CNTNAP2: variants seen among roughly 807,000 people sequenced by gnomAD.
CNTNAP2 encodes contactin-associated protein-like 2.
CNTNAP2 carries 98 observed loss-of-function variants against 155.2 expected under a neutral mutation model. The ratio of observed to expected loss-of-function variants is 0.63; its 90% confidence interval spans 0.54 to 0.75. CNTNAP2 has a LOEUF of 0.75. Ranked by LOEUF, CNTNAP2 falls within the 30% of genes least tolerant of loss-of-function variation. The probability of loss-of-function intolerance (pLI) is 0.00; values close to 1 mark genes in which losing one functional copy is unlikely to be tolerated. For missense variants in CNTNAP2, 1,727 were observed against 1,688.1 expected (o/e 1.02, Z -0.40); for synonymous variants, 651 against 631.2 (o/e 1.03, Z -0.47).
intron 1 of CNTNAP2, among the ~76,000 whole-genome samples, chr7:146,234,028 G>A (rs1373136816): frequency 1.3e-5 from 2 of 149,958 alleles, no homozygotes; most frequent in Non-Finnish European, 3.0e-5. Flanking sequence ...CTAGATCCCT[G>A]AGGAATCGCC....
At chr7:147,593,219 T>G (rs1438055201) in intron 12 of CNTNAP2, among the ~76,000 whole-genome samples, 4 of 150,840 alleles carry the variant, frequency 2.7e-5, no homozygotes, top group Non-Finnish European at 5.9e-5. Flanking sequence ...CTTATTTTTT[T>G]TTTTTTCATT....
At chr7:146,972,053 A>T (rs528373462) in intron 3 of CNTNAP2, among the ~76,000 whole-genome samples, 115 of 152,308 alleles carry the variant, frequency 7.6e-4, no homozygotes, top group Non-Finnish European at 1.2e-3. Context: ...CTTGACATGT[A>T]CACTTGTTAA....
intron 13 of CNTNAP2, among the ~76,000 whole-genome samples, chr7:147,753,109 G>A (rs1797163448): frequency 6.6e-6 from 1 of 152,172 alleles, no homozygotes. Flanking sequence ...ATTATACATA[G>A]AGGTTCTTTC....
At chr7:146,987,552 G>A (rs559108946) in intron 3 of CNTNAP2, among the ~76,000 whole-genome samples, 1 of 152,172 alleles carries the variant, frequency 6.6e-6, no homozygotes, top group East Asian at 1.9e-4. Flanking sequence ...GGATTAGTTT[G>A]CAAAACTTCA....
intron 1 of CNTNAP2, among the ~76,000 whole-genome samples, chr7:146,412,920 CA>C (rs1334008878): frequency 3.3e-5 from 5 of 152,280 alleles, no homozygotes; most frequent in East Asian, 1.9e-4. Flanking sequence ...AAAATGGATA[CA>C]TTTTTTTATA....
At position 147,395,813 on chromosome 7, in the gene CNTNAP2, C is replaced by G. The variant is rs544070641; in HGVS notation, c.1670+33C>G. On this transcript the variant is annotated intron_variant, in intron 10 of 23. Transcript: ENST00000361727. The stretch of plus-strand genomic sequence containing the variant: ...ATCTTTTCATCCTACCTCACGTTGT[C>G]CAAACTTTCCAAACCTGTGTTTCTG... The G allele has an allele frequency of 4.1e-5, 66 of 1,608,910 alleles. 2 individuals are homozygous for G. The South Asian group carries it at 6.6e-4, about 16-fold the overall frequency.
chr7:147,030,656 T>C (rs900495391), intron 3 of CNTNAP2, among the ~76,000 whole-genome samples: 2 of 152,302 alleles, frequency 1.3e-5, no homozygotes, highest in East Asian at 1.9e-4. Context: ...ATTTGCCTAT[T>C]GGTTAATGAC....
intron 10 of CNTNAP2, among the ~76,000 whole-genome samples, chr7:147,453,797 A>T (rs539812307): frequency 1.3e-5 from 2 of 152,288 alleles, no homozygotes; most frequent in Non-Finnish European, 2.9e-5. Context: ...TAAAAAAAAG[A>T]AAATGCCACC....
chr7:148,065,163 A>T (rs554949186), intron 15 of CNTNAP2, among the ~76,000 whole-genome samples: 24 of 152,308 alleles, frequency 1.6e-4, no homozygotes, highest in African/African-American at 5.8e-4. Context: ...AGTACTTGAT[A>T]TAATTTCAAT....
chr7:146,732,377 C>T (rs775269098), intron 1 of CNTNAP2, among the ~76,000 whole-genome samples: 51 of 152,072 alleles, frequency 3.4e-4, no homozygotes, highest in Non-Finnish European at 5.1e-4. Context: ...TCCAGTTAAA[C>T]TTGAAATTTA....
intron 13 of CNTNAP2, among the ~76,000 whole-genome samples, chr7:147,730,424 A>G (rs1328394502): frequency 6.6e-6 from 1 of 152,034 alleles, no homozygotes; most frequent in African/African-American, 2.4e-5. Flanking sequence ...AACAATTCAA[A>G]ATTTCTCATT....
intron 11 of CNTNAP2, among the ~76,000 whole-genome samples, chr7:147,538,627 G>T (rs1490102941): frequency 6.6e-6 from 1 of 152,006 alleles, no homozygotes; most frequent in Non-Finnish European, 1.5e-5. Flanking sequence ...TCCAGCCTGG[G>T]AAACAGAGTG....
chr7:146,468,067 A>C (rs1445782710), intron 1 of CNTNAP2, among the ~76,000 whole-genome samples: 1 of 152,210 alleles, frequency 6.6e-6, no homozygotes, highest in African/African-American at 2.4e-5. Flanking sequence ...AGAAATCTTG[A>C]TAGACAGTAT....
intron 12 of CNTNAP2, among the ~76,000 whole-genome samples, chr7:147,626,092 G>A (rs1794967242): frequency 6.6e-6 from 1 of 152,110 alleles, no homozygotes; most frequent in Admixed American, 6.6e-5. Flanking sequence ...GAATTGGGAA[G>A]TAGTCACAGT....
chr7:148,229,517 C>A (rs112143656), intron 19 of CNTNAP2, 129 bp from the exon 20 acceptor site: 6 of 1,263,374 alleles, frequency 4.7e-6, no homozygotes, highest in Non-Finnish European at 6.7e-6. Flanking sequence ...AGCAAGACTC[C>A]GTCAAAAAAA....
intron 15 of CNTNAP2, among the ~76,000 whole-genome samples, chr7:148,109,467 C>T (rs1804297298): frequency 6.6e-6 from 1 of 152,128 alleles, no homozygotes; most frequent in East Asian, 1.9e-4. Flanking sequence ...TCACCGCAAC[C>T]TCCGCTTCCC....
intron 1 of CNTNAP2, among the ~76,000 whole-genome samples, chr7:146,592,621 A>G (rs1798799731): frequency 6.6e-6 from 1 of 152,184 alleles, no homozygotes; most frequent in African/African-American, 2.4e-5. Flanking sequence ...TTGTGAACAG[A>G]TCAGAACCAA....
rs886062076 is a variant in CNTNAP2, at chr7:148,420,324, A to G, written c.*4708A>G. 6.6e-6 allele frequency: 1 copy of G among 152,204 alleles called. No individual in the cohort carries two copies. Among genetic ancestry groups the G allele is most frequent in the Non-Finnish European group, 1.5e-5 (1 of 68,044 alleles). 9.4% of individuals were successfully genotyped at this position (152,204 alleles called of 1,614,324 possible). On this transcript the variant is annotated 3_prime_UTR_variant, in exon 24 of 24. Transcript: ENST00000361727. ...CATGTAGCCTAGTGGCTATATGCCT[A>G]TTCTCCATGTACCCTGCATGGTAGT...
chr7:146,670,730 A>C lies in CNTNAP2; in HGVS notation c.98-103541A>C, dbSNP rs189633546. ...GGAGACCAGTACTGCCACAATTCCA[A>C]GCCAGAGGGAGCAGTCCATCTTTCA... On this transcript the variant is annotated intron_variant, in intron 1 of 23. Coordinates refer to ENST00000361727, the MANE Select transcript of CNTNAP2 (RefSeq NM_014141.6). 6.6e-5 allele frequency among the ~76,000 whole-genome samples: 10 copies of C among 152,236 alleles called. No homozygotes were observed. In the East Asian group the frequency reaches 1.5e-3, roughly 24 times the overall value.
Sources: gnomAD v4.1 joint callset for allele counts (sites outside exome capture counted in the v4.1 genomes callset) on GRCh38, gnomAD v4.1.1 for gene constraint, MANE v1.5 for transcripts, NCBI Gene and HGNC (gene_info 2026-07-23, HGNC 2026-07-21) for gene names.